The following SSMEM1 variants were observed in gnomAD, a reference collection of about 807,000 sequenced individuals.
The protein encoded by SSMEM1 is serine rich single-pass membrane protein 1.
A neutral mutation model predicts 9.9 loss-of-function variants in SSMEM1; 12 were observed. The ratio of observed to expected loss-of-function variants is 1.21; its 90% CI spans 0.78 to 1.96. SSMEM1 has a LOEUF of 1.96. Among genes scored for constraint, SSMEM1 ranks in the 30% most tolerant of loss-of-function variants. The pLI is 0.00. For missense variants in SSMEM1, 259 were observed against 292.2 expected, an observed-to-expected ratio of 0.89 and a Z score of 0.83; for synonymous variants, 96 against 98.9, an observed-to-expected ratio of 0.97 and a Z score of 0.17.
chr7:130,209,378 C>T (rs1281913544), intron 1 of SSMEM1, among the ~76,000 whole-genome samples: 1 of 152,166 alleles, frequency 6.6e-6, no homozygotes, highest in Non-Finnish European at 1.5e-5. Flanking sequence ...TTGATAACCA[C>T]CACCTCCTGG....
At chr7:130,206,630 T>C (rs1798478437), upstream of SSMEM1, among the ~76,000 whole-genome samples, 1 of 152,216 alleles carries the variant, frequency 6.6e-6, no homozygotes, top group African/African-American at 2.4e-5. Context: ...TGCTCTAGTT[T>C]TAGATTTAGA....
chr7:130,212,928 T>C (rs1798619614), intron 1 of SSMEM1, among the ~76,000 whole-genome samples: 1 of 152,204 alleles, frequency 6.6e-6, no homozygotes, highest in Non-Finnish European at 1.5e-5. Context: ...TTTTGGTAGA[T>C]GCTGCTATCA....
intron 1 of SSMEM1, 24 bp downstream of exon 1, chr7:130,208,117 AAAT>A (rs1158243784): frequency 6.3e-7 from 1 of 1,580,528 alleles, no homozygotes; most frequent in African/African-American, 1.4e-5. Flanking sequence ...TTTTCATTTT[AAAT>A]AATATGTTTA....
chr7:130,211,169 T>TC (rs1359524514), intron 1 of SSMEM1, among the ~76,000 whole-genome samples: 3 of 150,452 alleles, frequency 2.0e-5, no homozygotes, highest in African/African-American at 7.3e-5. Context: ...TCTTTTTTTT[T>TC]TTTTTTTTGA....
At chr7:130,213,396 G>A in intron 1 of SSMEM1, 84 bp from the exon 2 acceptor site, 1 of 981,508 alleles carries the variant, frequency 1.0e-6, no homozygotes, top group Non-Finnish European at 1.5e-6. Context: ...TTATAAATGG[G>A]CCTCAGCAAT....
In SSMEM1 at chr7:130,215,978, CAA is replaced by C. The variant is rs759649082; in HGVS notation, c.245_246del (p.Lys82ArgfsTer5). 1.1e-5 allele frequency: 17 copies of C among 1,613,416 alleles called. No individual in the cohort carries two copies. In the African/African-American group the frequency reaches 1.7e-4, roughly 16 times the overall value. Reference protein sequence around the residue: ...GTSTSVRKASKETSCKRQSKD... With the variant: ...GTSTSVRKASXETSCKRQSKD... ...ATATGTTTCATTGGTTGTTAGCAAG[CAA>C]AGAGACTTCCTGTAAGCGGCAAAGC... is the stretch of plus-strand genomic sequence containing the variant. On this transcript the variant is annotated frameshift_variant, in exon 3 of 3. Coordinates refer to ENST00000297819, the MANE Select transcript of SSMEM1 (RefSeq NM_145268.4). LOFTEE classifies it low-confidence loss of function (END_TRUNC).
In SSMEM1 at chr7:130,215,025, G is replaced by A. The variant is rs568274969; in HGVS notation, c.239-949G>A. On this transcript the variant is annotated intron_variant, in intron 2 of 2. Transcript: ENST00000297819. ...GCACCCTTAACATAGAATTTCCGCC[G>A]GGCGTGGTGGCTCACGCCTGTAATC... Among the ~76,000 whole-genome samples the A allele has an allele frequency of 5.3e-5, 8 of 152,300 alleles. No individual in the cohort carries two copies. The South Asian group carries it at 6.2e-4, about 12-fold the overall frequency.
intron 1 of SSMEM1, among the ~76,000 whole-genome samples, chr7:130,208,353 C>G (rs1003493688): frequency 1.3e-5 from 2 of 152,092 alleles, no homozygotes; most frequent in African/African-American, 2.4e-5. Context: ...TTTTCTCTGC[C>G]TTTCCCAATA....
chr7:130,206,704 C>T (rs1164680151), upstream of SSMEM1, among the ~76,000 whole-genome samples: 3 of 152,018 alleles, frequency 2.0e-5, no homozygotes, highest in South Asian at 2.1e-4. Flanking sequence ...ATTAGAATAC[C>T]GGCCGGGCGC....
intron 2 of SSMEM1, among the ~76,000 whole-genome samples, chr7:130,213,885 G>A (rs1798653780): frequency 6.6e-6 from 1 of 152,152 alleles, no homozygotes; most frequent in South Asian, 2.1e-4. Context: ...ACTCCCTAGT[G>A]CAGAGGGACA....
chr7:130,216,244 A>G lies in SSMEM1; in HGVS notation c.509A>G (p.His170Arg). The change falls in exon 3 of 3, where the codon CAC (histidine) becomes CGC (arginine). Residue 170 changes from histidine to arginine, a missense_variant. By Grantham distance (29) the His-to-Arg change is conservative. Coordinates refer to ENST00000297819, the MANE Select transcript of SSMEM1 (RefSeq NM_145268.4). ...TGGAAGGAGAGTGAAAGTGAACACC[A>G]CCCATCACCAGACAGTATTAAGAGG... The part of the protein sequence containing the change: ...SSWKESESEH[H>R]PSPDSIKRRK... 6.2e-7 allele frequency: 1 copy of G among 1,614,174 alleles called. No homozygotes were observed. The highest frequency in any genetic ancestry group is 1.1e-5 in the South Asian group (1 of 91,076).
chr7:130,216,378 C>G lies in SSMEM1; in HGVS notation c.643C>G (p.Arg215Gly). ...CAACGAATGGTTGGCGCACCATTCCCGACAGAAGCCTTCAGTAACACCGCC... is the reference window on the plus strand; with the variant it reads ...CAACGAATGGTTGGCGCACCATTCCGGACAGAAGCCTTCAGTAACACCGCC... Reference protein sequence around the residue: ...RTNEWLAHHSRQKPSVTPPMK... With the variant: ...RTNEWLAHHSGQKPSVTPPMK... Residue 215 changes from arginine (R) to glycine (G), a missense_variant, in exon 3 of 3, where the codon CGA becomes GGA. By Grantham distance (125) the Arg-to-Gly change is moderately radical. Transcript: ENST00000297819. 2 of 1,614,142 alleles carry G rather than the reference C, an allele frequency of 1.2e-6. No homozygotes were observed. The highest frequency in any genetic ancestry group is 8.5e-7 in the Non-Finnish European group (1 of 1,180,040).
chr7:130,205,452 C>T (rs1206008622), upstream of SSMEM1: 54 of 1,609,132 alleles, frequency 3.4e-5, no homozygotes, highest in Non-Finnish European at 4.2e-5. Flanking sequence ...GGGAGGCCAC[C>T]GGCAAGCGGC....
intron 2 of SSMEM1, among the ~76,000 whole-genome samples, 172 bp downstream of exon 2, chr7:130,213,706 AAAAAAAAAG>A (rs1798645446): frequency 2.0e-5 from 3 of 149,550 alleles, no homozygotes; most frequent in East Asian, 4.0e-4. Flanking sequence ...AAAAAAAAAA[AAAAAAAAAG>A]AAAAGAAAAG....
chr7:130,206,302 C>T (rs944525029), upstream of SSMEM1, among the ~76,000 whole-genome samples: 6 of 152,200 alleles, frequency 3.9e-5, no homozygotes, highest in African/African-American at 9.6e-5. Context: ...GGATGCAGTG[C>T]TCCCCAAGGA....
intron 1 of SSMEM1, among the ~76,000 whole-genome samples, chr7:130,208,464 C>T (rs1196283706): frequency 1.3e-5 from 2 of 152,100 alleles, no homozygotes; most frequent in Admixed American, 6.5e-5. Flanking sequence ...ATCAGAAATA[C>T]TTCTTTAAAT....
At chr7:130,207,735 T>C, upstream of SSMEM1, 1 of 730,056 alleles carries the variant, frequency 1.4e-6, no homozygotes, top group South Asian at 1.5e-5. Context: ...GTAATTTGAA[T>C]AACCTTCCAC....
Position 130,216,412 on chromosome 7 carries a change from G to T in SSMEM1, c.677G>T (p.Arg226Ile), listed in dbSNP as rs781590501. The T allele has an allele frequency of 6.2e-7, 1 of 1,614,192 alleles. No individual in the cohort carries two copies. Among genetic ancestry groups the T allele is most frequent in the Non-Finnish European group, 8.5e-7 (1 of 1,180,036 alleles). ...CCTTCAGTAACACCGCCAATGAAAA[G>T]AGACAGTCAAGAGGAAAGTTCCATA... is the stretch of plus-strand genomic sequence containing the variant. ...QKPSVTPPMK[R>I]DSQEESSISD... Residue 226 changes from arginine (R) to isoleucine (I), a missense_variant, in exon 3 of 3, where the codon AGA (arginine) becomes ATA (isoleucine). By Grantham distance (97) the Arg-to-Ile change is moderately conservative. Coordinates refer to ENST00000297819, the MANE Select transcript of SSMEM1 (RefSeq NM_145268.4).
rs1798703432 is a variant in SSMEM1, at chr7:130,216,175, C to T, written c.440C>T (p.Thr147Ile). 2 of 1,614,076 alleles carry T rather than the reference C, an allele frequency of 1.2e-6. No homozygotes were observed. The highest frequency in any genetic ancestry group is 1.7e-5 in the Admixed American group (1 of 60,004). Residue 147 changes from threonine (T) to isoleucine (I), a missense_variant, in exon 3 of 3, where the codon ACT becomes ATT. Transcript: ENST00000297819. ...EVNQNQHDSD[T>I]TEYGSEESNS... ...AACCAGAACCAACATGACAGTGATACTACGGAGTATGGCAGTGAAGAGTCT... is the reference window on the plus strand; with the variant it reads ...AACCAGAACCAACATGACAGTGATATTACGGAGTATGGCAGTGAAGAGTCT...
Sources: gnomAD v4.1 joint callset for allele counts (sites outside exome capture counted in the v4.1 genomes callset) on GRCh38, gnomAD v4.1.1 for gene constraint, MANE v1.5 for transcripts, NCBI Gene and HGNC (gene_info 2026-07-23, HGNC 2026-07-21) for gene names.